The following MAEA variants were observed in gnomAD, a reference collection of about 807,000 sequenced individuals.
The protein encoded by MAEA is macrophage erythroblast attacher, E3 ubiquitin ligase.
A neutral mutation model predicts 46.2 loss-of-function variants in MAEA; 22 were observed. The observed-to-expected ratio is 0.48, with a 90% confidence interval of 0.34 to 0.68. The LOEUF (loss-of-function observed/expected upper bound fraction) is 0.68, where lower values mean the gene tolerates loss of function less well. MAEA is among the 30% of genes least tolerant of loss of function. The pLI, the probability that MAEA is intolerant of heterozygous loss-of-function variation, is 0.01. For synonymous variants in MAEA, 246 were observed against 222.6 expected, an observed-to-expected ratio of 1.11 and a Z score of -0.94; for missense variants, 393 against 558.1, an observed-to-expected ratio of 0.70 and a Z score of 2.98.
chr4:1,309,369 A>G (rs1736147756), intron 1 of MAEA: 2 of 1,185,206 alleles, frequency 1.7e-6, no homozygotes. Context: ...AGCCCAGGCC[A>G]GTGGAGGGGA....
chr4:1,328,910 G>A (rs563837445), intron 5 of MAEA: 3 of 1,010,366 alleles, frequency 3.0e-6, no homozygotes, highest in South Asian at 3.7e-5. Flanking sequence ...CTCGGGACCC[G>A]GGCCAGTGGA....
intron 1 of MAEA, chr4:1,309,687 C>T (rs1486558699): frequency 6.5e-7 from 1 of 1,531,226 alleles, no homozygotes; most frequent in Non-Finnish European, 8.7e-7. Context: ...GTGGGGTCTT[C>T]CAGTTGTGAA....
At chr4:1,315,669 C>G (rs1011550849) in intron 3 of MAEA, 69 bp downstream of exon 3, 21 of 1,513,464 alleles carry the variant, frequency 1.4e-5, no homozygotes, top group Non-Finnish European at 1.9e-5. Context: ...CGCCCTGTGG[C>G]ATGTCCCCCG....
chr4:1,339,292 G>A lies in MAEA; in HGVS notation c.*123G>A. ...CTGTTTCTTGCGACCAAAGATCCGT[G>A]AGCAACGATAAATACTCTTAGGAAG... On this transcript the variant is annotated 3_prime_UTR_variant, in exon 9 of 9. Coordinates refer to ENST00000303400, the MANE Select transcript of MAEA (RefSeq NM_001017405.3). The A allele has an allele frequency of 1.4e-6, 1 of 702,338 alleles. No homozygotes were observed. The highest frequency in any genetic ancestry group is 2.6e-6 in the Non-Finnish European group (1 of 390,998). 43.5% of individuals were successfully genotyped at this position (702,338 alleles called of 1,614,324 possible).
chr4:1,334,907 T>C (rs1174413167), intron 6 of MAEA: 1 of 985,256 alleles, frequency 1.0e-6, no homozygotes, highest in Non-Finnish European at 1.2e-6. Context: ...AAAAATGAGA[T>C]TTAAAACAGC....
chr4:1,292,441 C>T (rs893075811), intron 1 of MAEA, among the ~76,000 whole-genome samples: 1 of 152,102 alleles, frequency 6.6e-6, no homozygotes. Context: ...GAGAATGGAA[C>T]AGACGTGAAT....
chr4:1,294,283 C>T (rs551650083), intron 1 of MAEA, among the ~76,000 whole-genome samples: 5 of 152,268 alleles, frequency 3.3e-5, no homozygotes, highest in South Asian at 2.1e-4. Context: ...GCGGCCTCCG[C>T]GCTGGCACAG....
intron 4 of MAEA, among the ~76,000 whole-genome samples, chr4:1,322,943 C>CCTTTTTTTTTTTTTT (rs1560368750): frequency 1.3e-5 from 1 of 75,246 alleles, no homozygotes. Context: ...TGAATACCCA[C>CCTTTTTTTTTTTTTT]TTTTTTTTTT....
intron 3 of MAEA, among the ~76,000 whole-genome samples, chr4:1,319,700 T>C (rs11946375): frequency 0.53 from 62,361 of 116,696 alleles, 14,344 homozygotes; most frequent in African/African-American, 0.67. Flanking sequence ...CTCACCACTG[T>C]ATTCCATCCA....
chr4:1,291,638 T>C lies in MAEA; in HGVS notation c.69+1656T>C, dbSNP rs530139919. Among the ~76,000 whole-genome samples the C allele has an allele frequency of 3.9e-5, 6 of 152,328 alleles. No homozygotes were observed. In the East Asian group the frequency reaches 1.2e-3, roughly 29 times the overall value. ...TGAAGATCAGAACCGTGGTGGTTTG[T>C]CACTTCTGGTACTGGCTGGTGAATG... On this transcript the variant is annotated intron_variant, in intron 1 of 8. Transcript: ENST00000303400.
At chr4:1,313,513 C>T (rs116642482) in intron 2 of MAEA, among the ~76,000 whole-genome samples, 181 of 152,150 alleles carry the variant, frequency 1.2e-3, no homozygotes, top group African/African-American at 4.0e-3. Flanking sequence ...ATCACTTGAG[C>T]GCAGGAGTTT....
intron 5 of MAEA, chr4:1,328,549 C>A: frequency 9.3e-7 from 1 of 1,079,172 alleles, no homozygotes; most frequent in Non-Finnish European, 1.2e-6. Context: ...AGCTCCCGGG[C>A]GAGTGCCCAG....
At chr4:1,310,693 C>T (rs1736381815) in intron 1 of MAEA, among the ~76,000 whole-genome samples, 2 of 152,220 alleles carry the variant, frequency 1.3e-5, no homozygotes, top group South Asian at 4.1e-4. Flanking sequence ...TGCACCCTGT[C>T]ACCCGCGGTG....
intron 6 of MAEA, 27 bp downstream of exon 6, chr4:1,332,892 G>A: frequency 6.4e-7 from 1 of 1,558,872 alleles, no homozygotes; most frequent in Non-Finnish European, 8.8e-7. Context: ...TGGGGTCGGT[G>A]TCATGCTGGG....
At chr4:1,309,836 G>A in intron 1 of MAEA, 2 of 1,345,234 alleles carry the variant, frequency 1.5e-6, no homozygotes, top group South Asian at 3.7e-5. Flanking sequence ...GCTGCCCGGA[G>A]CTCTGCCCTG....
intron 1 of MAEA, among the ~76,000 whole-genome samples, chr4:1,300,289 AT>A (rs1735185216): frequency 6.6e-6 from 1 of 152,190 alleles, no homozygotes; most frequent in African/African-American, 2.4e-5. Context: ...CCGTAATGAT[AT>A]CATATTGTTC....
intron 5 of MAEA, chr4:1,329,485 G>C (rs6850727): frequency 0.19 from 186,814 of 985,052 alleles, 23,448 homozygotes; most frequent in African/African-American, 0.58. Flanking sequence ...CCTTCCTCCC[G>C]CAAGCAGACA....
chr4:1,317,786 G>A (rs536103897), intron 3 of MAEA, among the ~76,000 whole-genome samples: 11 of 152,348 alleles, frequency 7.2e-5, no homozygotes, highest in Admixed American at 2.0e-4. Flanking sequence ...GATCCTCTGC[G>A]GTGACCGGGG....
chr4:1,339,049 A>T (rs1298230304), intron 8 of MAEA, 25 bp from the exon 9 acceptor site: 2 of 1,571,920 alleles, frequency 1.3e-6, no homozygotes, highest in Non-Finnish European at 1.8e-6. Context: ...GCTTGCCTTA[A>T]TGCATTCCCG....
Sources: allele counts gnomAD v4.1 joint callset (sites outside exome capture counted in the v4.1 genomes callset), GRCh38; gene constraint gnomAD v4.1.1; transcripts MANE v1.5; gene names NCBI Gene and HGNC (gene_info 2026-07-23, HGNC 2026-07-21).